Variants in MCTP2 observed in about 807,000 individuals in gnomAD.
The protein encoded by MCTP2 is multiple C2 and transmembrane domain containing 2, also known as multiple C2 and transmembrane domain-containing protein 2.
Under a neutral mutation model 111.6 loss-of-function variants are expected in MCTP2, and 132 were observed. That is an observed-to-expected ratio of 1.18 (90% CI 1.03 to 1.37). MCTP2 has a LOEUF of 1.37. Ranked by LOEUF, MCTP2 falls within the 40% of genes most tolerant of loss-of-function variation. The pLI, the probability that MCTP2 is intolerant of heterozygous loss-of-function variation, is 0.00. For synonymous variants in MCTP2, 395 were observed against 387.7 expected (o/e 1.02, Z -0.22); for missense variants, 1,183 against 1,067.9 (o/e 1.11, Z -1.50).
chr15:94,388,627 GT>G lies in MCTP2; in HGVS notation c.1788+3111del, dbSNP rs989026912. Among the ~76,000 whole-genome samples, 7 of 151,658 alleles carry G rather than the reference GT, an allele frequency of 4.6e-5. No homozygotes were observed. The East Asian group carries it at 9.7e-4, about 21-fold the overall frequency. On this transcript the variant is annotated intron_variant, in intron 14 of 22. Coordinates refer to ENST00000357742, the MANE Select transcript of MCTP2 (RefSeq NM_001385001.1). ...GTTTTAACCTACTTATTTAGATCTA[GT>G]TTTTTTTTCTTTAATCTCTCTTGAG...
chr15:94,481,768 C>T lies in MCTP2; in HGVS notation c.*2734C>T, dbSNP rs1021581139. 2 of 152,256 alleles carry T rather than the reference C, an allele frequency of 1.3e-5. No homozygotes were observed. The highest frequency in any genetic ancestry group is 4.8e-5 in the African/African-American group (2 of 41,458). The allele number at this position is 152,256 out of a possible 1,614,324, so 9.4% of individuals were successfully genotyped here. On this transcript the variant is annotated 3_prime_UTR_variant, in exon 23 of 23. Coordinates refer to ENST00000357742, the MANE Select transcript of MCTP2 (RefSeq NM_001385001.1). ...CTGTCCTCCACTGAATAGCCCATTA[C>T]AGCTAGCACCTAATAGTTACTCAGG...
intron 4 of MCTP2, among the ~76,000 whole-genome samples, chr15:94,322,765 C>T (rs181365702): frequency 8.8e-4 from 134 of 152,244 alleles, no homozygotes; most frequent in African/African-American, 2.8e-3. Flanking sequence ...CAGAAAAATC[C>T]GGAGATGTTG....
intron 4 of MCTP2, among the ~76,000 whole-genome samples, chr15:94,330,632 G>T (rs78445557): frequency 6.6e-6 from 1 of 151,880 alleles, no homozygotes; most frequent in East Asian, 1.9e-4. Context: ...TGGGGCCCTC[G>T]TTTTTTGGTG....
At chr15:94,375,451 G>A (rs1431554848) in intron 12 of MCTP2, among the ~76,000 whole-genome samples, 1 of 152,130 alleles carries the variant, frequency 6.6e-6, no homozygotes, top group Non-Finnish European at 1.5e-5. Context: ...AGGAGGCAAT[G>A]GAGGGACAAA....
intron 12 of MCTP2, among the ~76,000 whole-genome samples, chr15:94,379,626 C>A (rs941158789): frequency 1.3e-5 from 2 of 151,216 alleles, no homozygotes; most frequent in South Asian, 4.2e-4. Context: ...AATCTTAGTA[C>A]CTATCCACCT....
chr15:94,336,352 G>T (rs1178906059), intron 4 of MCTP2, among the ~76,000 whole-genome samples: 2 of 152,102 alleles, frequency 1.3e-5, no homozygotes, highest in Non-Finnish European at 2.9e-5. Flanking sequence ...TCATTCCCAG[G>T]TTCACTTCTG....
At chr15:94,350,326 G>A (rs1256019253) in intron 8 of MCTP2, among the ~76,000 whole-genome samples, 1 of 152,176 alleles carries the variant, frequency 6.6e-6, no homozygotes, top group Non-Finnish European at 1.5e-5. Context: ...GGTGGCTCAT[G>A]CCTGTAATCC....
chr15:94,454,779 G>A (rs1244643124), intron 19 of MCTP2, among the ~76,000 whole-genome samples: 2 of 152,038 alleles, frequency 1.3e-5, no homozygotes, highest in Non-Finnish European at 1.5e-5. Context: ...AAGGTCAAAT[G>A]TTATGTATGA....
chr15:94,252,152 T>A (rs150059862), intron 1 of MCTP2, among the ~76,000 whole-genome samples: 2 of 152,208 alleles, frequency 1.3e-5, no homozygotes, highest in Non-Finnish European at 2.9e-5. Flanking sequence ...ATTGCTAGAT[T>A]ATGTGATGAT....
In MCTP2 at chr15:94,357,442, A is replaced by C. The variant is rs556041258; in HGVS notation, c.1171-1040A>C. ...GGAAAAATTATTCATCACTAAGCAC[A>C]CTTAGCCATTTGGACTAAGGTGAAG... On this transcript the variant is annotated intron_variant, in intron 9 of 22. Coordinates refer to ENST00000357742, the MANE Select transcript of MCTP2 (RefSeq NM_001385001.1). 4.6e-5 allele frequency among the ~76,000 whole-genome samples: 7 copies of C among 152,268 alleles called. No individual in the cohort carries two copies. The East Asian group carries it at 1.2e-3, about 25-fold the overall frequency.
intron 4 of MCTP2, among the ~76,000 whole-genome samples, chr15:94,326,352 C>T (rs113988428): frequency 0.011 from 1,748 of 152,124 alleles, 32 homozygotes; most frequent in African/African-American, 0.039. Context: ...GTTCTTATAC[C>T]TAAATCTGTG....
chr15:94,460,046 G>T (rs2152528215), intron 20 of MCTP2, among the ~76,000 whole-genome samples: 1 of 152,264 alleles, frequency 6.6e-6, no homozygotes, highest in South Asian at 2.1e-4. Context: ...ATTGGAACCT[G>T]TCCTCCTCAT....
intron 1 of MCTP2, among the ~76,000 whole-genome samples, chr15:94,276,856 AAAAG>A (rs2074240681): frequency 2.0e-5 from 3 of 150,894 alleles, no homozygotes; most frequent in South Asian, 4.2e-4. Context: ...AAAAAAAAAA[AAAAG>A]AGATATGTTC....
chr15:94,457,084 T>G (rs549405317), intron 19 of MCTP2, among the ~76,000 whole-genome samples: 1 of 152,298 alleles, frequency 6.6e-6, no homozygotes, highest in South Asian at 2.1e-4. Context: ...CTTGATAGTT[T>G]AGTACAATTT....
chr15:94,302,342 C>G (rs962719726), intron 2 of MCTP2, among the ~76,000 whole-genome samples: 1 of 152,150 alleles, frequency 6.6e-6, no homozygotes, highest in African/African-American at 2.4e-5. Context: ...TCTGCAGTCA[C>G]CTCCAGGCCC....
chr15:94,316,554 C>T (rs971829739), intron 4 of MCTP2, among the ~76,000 whole-genome samples: 1 of 152,200 alleles, frequency 6.6e-6, no homozygotes, highest in Non-Finnish European at 1.5e-5. Context: ...ACCTACCTTA[C>T]AGGCTGTTGG....
intron 1 of MCTP2, among the ~76,000 whole-genome samples, chr15:94,240,691 G>A (rs1424707462): frequency 3.3e-5 from 5 of 152,150 alleles, no homozygotes; most frequent in Non-Finnish European, 7.4e-5. Context: ...CCAGATGACT[G>A]TGTATATATG....
chr15:94,355,053 TG>T (rs1456550012), intron 8 of MCTP2, among the ~76,000 whole-genome samples: 1 of 152,238 alleles, frequency 6.6e-6, no homozygotes, highest in African/African-American at 2.4e-5. Flanking sequence ...AAATGAACTC[TG>T]CTAACTAAAT....
intron 17 of MCTP2, among the ~76,000 whole-genome samples, chr15:94,423,128 T>C (rs1448320087): frequency 6.6e-6 from 1 of 152,206 alleles, no homozygotes; most frequent in Non-Finnish European, 1.5e-5. Context: ...ATTAGTGAAA[T>C]AGAGCCTAAC....
Sources: allele counts gnomAD v4.1 joint callset (sites outside exome capture counted in the v4.1 genomes callset), GRCh38; gene constraint gnomAD v4.1.1; transcripts MANE v1.5; gene names NCBI Gene and HGNC (gene_info 2026-07-23, HGNC 2026-07-21).